MYZAP: variants seen among roughly 807,000 people sequenced by gnomAD.
MYZAP encodes GRINL1A complex locus upstream.
A neutral mutation model predicts 69.4 loss-of-function variants in MYZAP; 66 were observed. The ratio of observed to expected loss-of-function variants is 0.95; its 90% CI spans 0.78 to 1.17. MYZAP has a LOEUF of 1.17. Among genes scored for constraint, MYZAP ranks in the 50% most tolerant of loss-of-function variants. The pLI, the probability that MYZAP is intolerant of heterozygous loss-of-function variation, is 0.00. For synonymous variants in MYZAP, 256 were observed against 205.9 expected, an observed-to-expected ratio of 1.24 and a Z score of -2.09; for missense variants, 611 against 556.2, an observed-to-expected ratio of 1.10 and a Z score of -0.99.
At chr15:57,608,566 A>G (rs2034906648) in intron 2 of MYZAP, among the ~76,000 whole-genome samples, 1 of 152,192 alleles carries the variant, frequency 6.6e-6, no homozygotes, top group East Asian at 1.9e-4. Flanking sequence ...CTGACCACAG[A>G]TGAGCTCCCA....
chr15:57,596,328 T>C (rs2034055873), intron 1 of MYZAP, among the ~76,000 whole-genome samples: 1 of 152,160 alleles, frequency 6.6e-6, no homozygotes, highest in East Asian at 1.9e-4. Flanking sequence ...GGCTTTGAAG[T>C]CAATTAGCCT....
At chr15:57,625,519 T>G (rs992348538) in intron 4 of MYZAP, among the ~76,000 whole-genome samples, 2 of 152,188 alleles carry the variant, frequency 1.3e-5, no homozygotes, top group Admixed American at 1.3e-4. Flanking sequence ...GTTTTCTTCC[T>G]TACAAAGGAC....
At chr15:57,643,689 A>G (rs2140479992) in intron 10 of MYZAP, among the ~76,000 whole-genome samples, 1 of 151,920 alleles carries the variant, frequency 6.6e-6, no homozygotes, top group African/African-American at 2.4e-5. Flanking sequence ...GCCAATGGGC[A>G]GGGATATTGT....
intron 10 of MYZAP, among the ~76,000 whole-genome samples, chr15:57,652,270 C>A (rs542287503): frequency 5.9e-5 from 9 of 152,142 alleles, no homozygotes; most frequent in Middle Eastern, 3.2e-3. Flanking sequence ...TTTACTCCCC[C>A]CCAAATGAGA....
intron 2 of MYZAP, among the ~76,000 whole-genome samples, chr15:57,605,798 G>A (rs1210479301): frequency 6.6e-6 from 1 of 152,160 alleles, no homozygotes; most frequent in African/African-American, 2.4e-5. Context: ...TGGAAAATAA[G>A]GTTTCACTCA....
chr15:57,633,952 T>C (rs764443252), intron 8 of MYZAP, among the ~76,000 whole-genome samples: 22 of 152,206 alleles, frequency 1.4e-4, no homozygotes, highest in Admixed American at 2.6e-4. Context: ...TAAAAAATAT[T>C]ACTTGTGAAA....
Position 57,632,477 on chromosome 15 carries a change from T to G in MYZAP, c.722T>G (p.Met241Arg). Reference sequence around the variant, plus strand: ...GCCAATGCTGAGGTGATGCGAGAGATGACCAAGAAGCTGTACAGCCAGTAT... The same window carrying G: ...GCCAATGCTGAGGTGATGCGAGAGAGGACCAAGAAGCTGTACAGCCAGTAT... ...QEANAEVMRE[M>R]TKKLYSQYEE... Residue 241 changes from methionine (M) to arginine (R), a missense_variant, in exon 7 of 13, where the codon ATG becomes AGG. Met to Arg is a moderately conservative substitution (Grantham distance 91). Coordinates refer to ENST00000267853, the MANE Select transcript of MYZAP (RefSeq NM_001018100.5). 5 of 1,614,178 alleles carry G rather than the reference T, an allele frequency of 3.1e-6. No homozygotes were observed. The highest frequency in any genetic ancestry group is 4.2e-6 in the Non-Finnish European group (5 of 1,180,030).
At chr15:57,642,723 G>A (rs2037231186) in intron 10 of MYZAP, among the ~76,000 whole-genome samples, 1 of 152,168 alleles carries the variant, frequency 6.6e-6, no homozygotes, top group African/African-American at 2.4e-5. Context: ...ATCCTTAAAT[G>A]TTAAGCAACA....
chr15:57,616,967 C>T (rs2035505783), intron 2 of MYZAP, among the ~76,000 whole-genome samples: 1 of 151,518 alleles, frequency 6.6e-6, no homozygotes, highest in Admixed American at 6.6e-5. Flanking sequence ...TGGGTCAGCC[C>T]TAGGGAAAAC....
At position 57,684,432 on chromosome 15, in the gene MYZAP, G is replaced by A. The variant is rs754331012; in HGVS notation, c.1335G>A (p.Met445Ile). ...SQTGRTREIVMPSRNYTPYTR... is the reference protein window; with the variant it reads ...SQTGRTREIVIPSRNYTPYTR... The stretch of plus-strand genomic sequence containing the variant: ...CAGGCAGGACTCGTGAAATTGTGAT[G>A]CCTTCTAGGAACTACACCCCATACA... The change falls in exon 13 of 13, where the codon ATG becomes ATA. Residue 445 changes from methionine to isoleucine, a missense_variant. By Grantham distance (10) the Met-to-Ile change is conservative. Coordinates refer to ENST00000267853, the MANE Select transcript of MYZAP (RefSeq NM_001018100.5). 1 of 1,613,142 alleles carries A rather than the reference G, an allele frequency of 6.2e-7. No individual in the cohort carries two copies. The highest frequency in any genetic ancestry group is 8.5e-7 in the Non-Finnish European group (1 of 1,179,684).
chr15:57,593,188 G>GCATGCGCGCGCGCACACA, intron 1 of MYZAP, among the ~76,000 whole-genome samples: 3 of 114,152 alleles, frequency 2.6e-5, no homozygotes, highest in Admixed American at 8.6e-5. Flanking sequence ...GTACACAGGC[G>GCATGCGCGCGCGCACACA]CACACACACA....
intron 1 of MYZAP, chr15:57,599,827 C>A: frequency 1.6e-6 from 1 of 623,892 alleles, no homozygotes; most frequent in Non-Finnish European, 2.6e-6. Flanking sequence ...GGGTTACTGT[C>A]CTTAGTGCTT....
At chr15:57,617,013 T>C (rs1472563080) in intron 2 of MYZAP, among the ~76,000 whole-genome samples, 1 of 151,722 alleles carries the variant, frequency 6.6e-6, no homozygotes, top group Admixed American at 6.6e-5. Flanking sequence ...TCTCAGTCCT[T>C]GATCTTGGAT....
intron 2 of MYZAP, among the ~76,000 whole-genome samples, chr15:57,612,224 C>G (rs2035150668): frequency 6.6e-6 from 1 of 152,168 alleles, no homozygotes; most frequent in African/African-American, 2.4e-5. Flanking sequence ...TTGGAAATAA[C>G]TTGGCTTCCA....
intron 4 of MYZAP, among the ~76,000 whole-genome samples, chr15:57,622,503 TAAAAG>T (rs2035878909): frequency 6.6e-6 from 1 of 152,056 alleles, no homozygotes; most frequent in Non-Finnish European, 1.5e-5. Flanking sequence ...TATTAAATGT[TAAAAG>T]AAAGTGAAAA....
chr15:57,654,037 C>A (rs1202062149), intron 10 of MYZAP, among the ~76,000 whole-genome samples: 1 of 9,170 alleles, frequency 1.1e-4, no homozygotes, highest in African/African-American at 1.2e-4. Flanking sequence ...AAAAAAGTCC[C>A]TATTTAGAGG....
chr15:57,679,377 TC>T (rs66604106), intron 12 of MYZAP, among the ~76,000 whole-genome samples: 100,011 of 112,628 alleles, frequency 0.89, 44,021 homozygotes, highest in Non-Finnish European at 0.97. Context: ...TGTGTGTGTT[TC>T]TCTCTCTCTC....
intron 5 of MYZAP, 62 bp downstream of exon 5, chr15:57,625,954 C>A: frequency 6.8e-7 from 1 of 1,460,056 alleles, no homozygotes; most frequent in Non-Finnish European, 9.6e-7. Flanking sequence ...GGGACTGTGC[C>A]TTTGCAGAAA....
At chr15:57,602,379 G>A (rs2034470125) in intron 1 of MYZAP, among the ~76,000 whole-genome samples, 2 of 152,140 alleles carry the variant, frequency 1.3e-5, no homozygotes, top group African/African-American at 4.8e-5. Flanking sequence ...CTTGGCTGTT[G>A]ATGGGTCGTC....
Sources: gnomAD v4.1 joint callset for allele counts (sites outside exome capture counted in the v4.1 genomes callset) on GRCh38, gnomAD v4.1.1 for gene constraint, MANE v1.5 for transcripts, NCBI Gene and HGNC (gene_info 2026-07-23, HGNC 2026-07-21) for gene names.